Variants in CPQ observed in about 807,000 individuals in gnomAD.
The protein encoded by CPQ is carboxypeptidase Q, also known as Ser-Met dipeptidase.
In CPQ, 37 loss-of-function variants were observed where a neutral mutation model predicts 45.7. The observed-to-expected ratio is 0.81, with a 90% CI of 0.62 to 1.07. The LOEUF (loss-of-function observed/expected upper bound fraction) is 1.07. Ranked by LOEUF, CPQ falls within the 50% of genes least tolerant of loss-of-function variation. CPQ has a pLI of 0.00. For synonymous variants in CPQ, 186 were observed against 205.8 expected (o/e 0.90, Z 0.82); for missense variants, 537 against 572.9 (o/e 0.94, Z 0.64).
At chr8:96,814,642 A>G (rs1001654848) in intron 2 of CPQ, among the ~76,000 whole-genome samples, 1 of 152,164 alleles carries the variant, frequency 6.6e-6, no homozygotes, top group Non-Finnish European at 1.5e-5. Flanking sequence ...TTCATTCTAT[A>G]TGCCAGTTGG....
At chr8:96,825,389 A>T (rs1022880921) in intron 2 of CPQ, among the ~76,000 whole-genome samples, 3 of 152,006 alleles carry the variant, frequency 2.0e-5, no homozygotes, top group African/African-American at 7.2e-5. Flanking sequence ...ATGGGTTTGG[A>T]GTCGGTCTGA....
chr8:96,662,286 A>G (rs1251106623), intron 1 of CPQ, among the ~76,000 whole-genome samples: 1 of 152,112 alleles, frequency 6.6e-6, no homozygotes, highest in East Asian at 1.9e-4. Context: ...AGTATTTTTA[A>G]TGTGTATTTT....
chr8:96,786,367 T>C (rs1810768625), intron 2 of CPQ, among the ~76,000 whole-genome samples: 1 of 152,202 alleles, frequency 6.6e-6, no homozygotes, highest in East Asian at 1.9e-4. Flanking sequence ...TCATTCTTTT[T>C]ATTGCTCAAT....
At chr8:96,664,620 C>A (rs1808896060) in intron 1 of CPQ, among the ~76,000 whole-genome samples, 1 of 152,072 alleles carries the variant, frequency 6.6e-6, no homozygotes, top group South Asian at 2.1e-4. Flanking sequence ...TACCCTGGAG[C>A]AAACACAGAG....
intron 2 of CPQ, among the ~76,000 whole-genome samples, chr8:96,822,655 T>A (rs1811324725): frequency 6.6e-6 from 1 of 151,948 alleles, no homozygotes; most frequent in South Asian, 2.1e-4. Flanking sequence ...TCAGATTTTG[T>A]CTCATGTTTC....
chr8:96,931,633 TCCC>T (rs1812976907), intron 4 of CPQ, among the ~76,000 whole-genome samples: 1 of 151,928 alleles, frequency 6.6e-6, no homozygotes, highest in African/African-American at 2.4e-5. Context: ...TCAGCTGGAG[TCCC>T]TTCCCTAAAC....
At chr8:97,004,462 T>G (rs957259099) in intron 5 of CPQ, among the ~76,000 whole-genome samples, 6 of 151,966 alleles carry the variant, frequency 3.9e-5, no homozygotes, top group African/African-American at 1.4e-4. Flanking sequence ...GGAAAATAAT[T>G]TGGTACCAAC....
chr8:96,807,414 T>C (rs1163854057), intron 2 of CPQ, among the ~76,000 whole-genome samples: 2 of 152,012 alleles, frequency 1.3e-5, no homozygotes, highest in African/African-American at 4.8e-5. Flanking sequence ...TTTGTATTTT[T>C]AGTAGAGACG....
intron 1 of CPQ, among the ~76,000 whole-genome samples, chr8:96,759,974 C>T (rs1019676203): frequency 6.6e-6 from 1 of 152,166 alleles, no homozygotes; most frequent in Admixed American, 6.6e-5. Flanking sequence ...TAACTTGGTC[C>T]AAGTCACACA....
At chr8:96,788,183 A>C (rs1486095033) in intron 2 of CPQ, among the ~76,000 whole-genome samples, 1 of 131,092 alleles carries the variant, frequency 7.6e-6, no homozygotes, top group Non-Finnish European at 1.6e-5. Flanking sequence ...TTTGAGATGG[A>C]GTTTCACTCT....
intron 2 of CPQ, among the ~76,000 whole-genome samples, chr8:96,791,521 G>A (rs181088392): frequency 6.6e-6 from 1 of 152,216 alleles, no homozygotes; most frequent in African/African-American, 2.4e-5. Flanking sequence ...TCAAAACCCA[G>A]AGGATATGAA....
At chr8:96,933,411 T>C (rs560939102) in intron 4 of CPQ, among the ~76,000 whole-genome samples, 76 of 152,286 alleles carry the variant, frequency 5.0e-4, no homozygotes, top group African/African-American at 1.7e-3. Flanking sequence ...AGTGGTCCTG[T>C]ATCATCAGCA....
intron 5 of CPQ, among the ~76,000 whole-genome samples, chr8:97,018,604 G>T (rs897346911): frequency 1.2e-4 from 18 of 152,292 alleles, no homozygotes; most frequent in African/African-American, 4.3e-4. Context: ...GCTCTGGAAA[G>T]TCTCAGCAAT....
intron 4 of CPQ, among the ~76,000 whole-genome samples, chr8:96,940,839 A>T (rs973885479): frequency 6.6e-6 from 1 of 152,186 alleles, no homozygotes; most frequent in African/African-American, 2.4e-5. Context: ...AGTACCTCAT[A>T]TGATCTCTTT....
chr8:96,729,795 G>C (rs1586376434), intron 1 of CPQ, among the ~76,000 whole-genome samples: 1 of 152,164 alleles, frequency 6.6e-6, no homozygotes, highest in East Asian at 1.9e-4. Flanking sequence ...ATTGTCTTTT[G>C]CAGCCAGTTT....
chr8:96,776,518 G>A (rs1170521883), intron 1 of CPQ, among the ~76,000 whole-genome samples: 2 of 152,056 alleles, frequency 1.3e-5, no homozygotes, highest in Admixed American at 1.3e-4. Flanking sequence ...ACTTCTGTTT[G>A]TCTATTCGCT....
chr8:96,842,709 AG>A (rs1316130487), intron 3 of CPQ, among the ~76,000 whole-genome samples: 1 of 152,158 alleles, frequency 6.6e-6, no homozygotes, highest in Admixed American at 6.5e-5. Context: ...GTAGTGTGAC[AG>A]GCATGCTTCC....
At chr8:96,843,628 T>C (rs1563511103) in intron 3 of CPQ, among the ~76,000 whole-genome samples, 1 of 152,210 alleles carries the variant, frequency 6.6e-6, no homozygotes, top group Non-Finnish European at 1.5e-5. Context: ...CTCATCTGGG[T>C]ATCGCCAGGG....
chr8:96,716,796 A>C (rs1809679603), intron 1 of CPQ, among the ~76,000 whole-genome samples: 1 of 151,716 alleles, frequency 6.6e-6, no homozygotes, highest in Admixed American at 6.6e-5. Flanking sequence ...AATCCCAGCT[A>C]CTTGGGAGGC....
Sources: allele counts gnomAD v4.1 joint callset (sites outside exome capture counted in the v4.1 genomes callset), GRCh38; gene constraint gnomAD v4.1.1; transcripts MANE v1.5; gene names NCBI Gene and HGNC (gene_info 2026-07-23, HGNC 2026-07-21).